Variants in FBXL4 observed in about 807,000 individuals in gnomAD.
FBXL4 encodes the protein F-box/LRR-repeat protein 4.
In FBXL4, 40 loss-of-function variants were observed where a neutral mutation model predicts 58.9. The ratio of observed to expected loss-of-function variants is 0.68; its 90% CI spans 0.53 to 0.88. The LOEUF (loss-of-function observed/expected upper bound fraction) is 0.88. Among genes scored for constraint, FBXL4 ranks in the 40% least tolerant of loss-of-function variants. The pLI, the probability that FBXL4 is intolerant of heterozygous loss-of-function variation, is 0.00. For missense variants in FBXL4, 676 were observed against 734.4 expected, an observed-to-expected ratio of 0.92 and a Z score of 0.92; for synonymous variants, 263 against 265.5, an observed-to-expected ratio of 0.99 and a Z score of 0.09.
chr6:98,875,176 A>G, intron 9 of FBXL4: 2 of 504,272 alleles, frequency 4.0e-6, no homozygotes, highest in Non-Finnish European at 3.5e-6. Flanking sequence ...TAATGGTTAT[A>G]GTTTTTTACA....
At chr6:98,943,481 G>A (rs547696356) in intron 1 of FBXL4, among the ~76,000 whole-genome samples, 1 of 148,098 alleles carries the variant, frequency 6.8e-6, no homozygotes, top group South Asian at 2.1e-4. Flanking sequence ...GCTGAGGCAG[G>A]AGGATCACTT....
At chr6:98,923,747 G>A (rs560865712) in intron 4 of FBXL4, among the ~76,000 whole-genome samples, 98 of 151,998 alleles carry the variant, frequency 6.4e-4, no homozygotes, top group Admixed American at 9.8e-4. Context: ...TGGCAGAGAG[G>A]GTGTTCAATA....
In FBXL4 at chr6:98,873,073, T is replaced by C. The variant is rs1037657175; in HGVS notation, c.*1205A>G. On this transcript the variant is annotated 3_prime_UTR_variant, in exon 10 of 10. Transcript: ENST00000369244. ...AGTAGACAGAAAATATTTTGTGGCA[T>C]GAAAAGGCACAGCTGTTTTGAACAC... 4 of 151,964 alleles carry C rather than the reference T, an allele frequency of 2.6e-5. No homozygotes were observed. The highest frequency in any genetic ancestry group is 9.7e-5 in the African/African-American group (4 of 41,384). The allele number at this position is 151,964 out of a possible 1,614,324, so 9.4% of individuals were successfully genotyped here. A position where few individuals can be genotyped will look rare whatever the true frequency, so the allele number is the denominator to read the frequency against.
At chr6:98,880,188 TA>T (rs1183712795) in intron 8 of FBXL4, among the ~76,000 whole-genome samples, 1 of 152,160 alleles carries the variant, frequency 6.6e-6, no homozygotes, top group Non-Finnish European at 1.5e-5. Flanking sequence ...ATTTAAAAGC[TA>T]AAATGAGCTT....
intron 7 of FBXL4, among the ~76,000 whole-genome samples, chr6:98,884,533 C>T (rs1770965967): frequency 6.6e-6 from 1 of 152,144 alleles, no homozygotes. Flanking sequence ...TACTCCATTG[C>T]TTATGAGTCT....
At chr6:98,875,770 A>T (rs1325971839) in intron 8 of FBXL4, 43 bp from the exon 9 acceptor site, 2 of 1,572,658 alleles carry the variant, frequency 1.3e-6, no homozygotes, top group African/African-American at 2.7e-5. Context: ...TTATGCTCAG[A>T]CATGCAAACT....
At chr6:98,943,408 A>G (rs528865393) in intron 1 of FBXL4, among the ~76,000 whole-genome samples, 3 of 151,958 alleles carry the variant, frequency 2.0e-5, no homozygotes, top group African/African-American at 7.2e-5. Flanking sequence ...CCCCATCTCT[A>G]CAAAAAACAC....
intron 5 of FBXL4, among the ~76,000 whole-genome samples, chr6:98,911,520 C>A (rs1772068527): frequency 6.6e-6 from 1 of 152,182 alleles, no homozygotes; most frequent in Non-Finnish European, 1.5e-5. Flanking sequence ...ATTCGCGGAT[C>A]ACGAAAATCT....
intron 1 of FBXL4, among the ~76,000 whole-genome samples, chr6:98,940,408 C>T (rs1323431416): frequency 6.6e-6 from 1 of 152,180 alleles, no homozygotes; most frequent in African/African-American, 2.4e-5. Context: ...GTGGCTGTAG[C>T]ATTTTACATT....
chr6:98,915,933 C>T (rs1267846662), intron 5 of FBXL4, among the ~76,000 whole-genome samples: 1 of 151,900 alleles, frequency 6.6e-6, no homozygotes, highest in African/African-American at 2.4e-5. Context: ...TGACTAAGGG[C>T]TAATATCCAG....
intron 6 of FBXL4, among the ~76,000 whole-genome samples, chr6:98,902,106 T>C (rs546130577): frequency 6.6e-6 from 1 of 152,244 alleles, no homozygotes; most frequent in Non-Finnish European, 1.5e-5. Flanking sequence ...TAAGATCACG[T>C]GAATGACTTG....
At chr6:98,946,057 T>G (rs1773609415) in intron 1 of FBXL4, among the ~76,000 whole-genome samples, 1 of 152,136 alleles carries the variant, frequency 6.6e-6, no homozygotes, top group Non-Finnish European at 1.5e-5. Flanking sequence ...ATGTGTTCAT[T>G]TCAAAAATAT....
chr6:98,886,582 A>G (rs1346474124), intron 7 of FBXL4, among the ~76,000 whole-genome samples: 2 of 152,214 alleles, frequency 1.3e-5, no homozygotes, highest in Admixed American at 6.5e-5. Flanking sequence ...ATTTCTTTGA[A>G]CTGCCATCTC....
At chr6:98,928,828 C>G (rs1772891286) in intron 2 of FBXL4, among the ~76,000 whole-genome samples, 1 of 152,208 alleles carries the variant, frequency 6.6e-6, no homozygotes, top group South Asian at 2.1e-4. Flanking sequence ...TTGTCTAACC[C>G]AGCAAACCCA....
At chr6:98,910,186 T>C (rs998052128) in intron 5 of FBXL4, among the ~76,000 whole-genome samples, 1 of 152,180 alleles carries the variant, frequency 6.6e-6, no homozygotes, top group African/African-American at 2.4e-5. Context: ...TGCTTGGCCC[T>C]ACTCTCACCC....
chr6:98,944,955 T>C (rs1773566977), intron 1 of FBXL4, among the ~76,000 whole-genome samples: 2 of 152,198 alleles, frequency 1.3e-5, no homozygotes, highest in Admixed American at 1.3e-4. Context: ...TCTCATATTT[T>C]CTGCCAGTTT....
intron 7 of FBXL4, among the ~76,000 whole-genome samples, chr6:98,884,459 G>A (rs939682699): frequency 6.6e-6 from 1 of 151,990 alleles, no homozygotes; most frequent in African/African-American, 2.4e-5. Context: ...AATCTAGAAC[G>A]AAAGTTTAGC....
intron 1 of FBXL4, among the ~76,000 whole-genome samples, chr6:98,939,933 T>G (rs940309303): frequency 2.6e-5 from 4 of 152,216 alleles, no homozygotes; most frequent in African/African-American, 9.6e-5. Flanking sequence ...CTCACTGCAA[T>G]AGTAACTGGA....
chr6:98,941,191 T>C (rs935456463), intron 1 of FBXL4, among the ~76,000 whole-genome samples: 4 of 151,760 alleles, frequency 2.6e-5, no homozygotes, highest in Admixed American at 2.0e-4. Flanking sequence ...CAGATGCATG[T>C]ACAGTGTTAC....
Sources: allele counts gnomAD v4.1 joint callset (sites outside exome capture counted in the v4.1 genomes callset), GRCh38; gene constraint gnomAD v4.1.1; transcripts MANE v1.5; gene names NCBI Gene and HGNC (gene_info 2026-07-23, HGNC 2026-07-21).